Variants in STAU2 observed in about 807,000 individuals in gnomAD.
STAU2 encodes staufen double-stranded RNA binding protein 2, also known as double-stranded RNA-binding protein Staufen homolog 2.
Under a neutral mutation model 65.9 loss-of-function variants are expected in STAU2, and 20 were observed. The observed-to-expected ratio is 0.30, with a 90% CI of 0.21 to 0.44. The LOEUF (loss-of-function observed/expected upper bound fraction) is 0.44, where lower values mean the gene tolerates loss of function less well. STAU2 is among the 20% of genes least tolerant of loss of function. The pLI, the probability that STAU2 is intolerant of heterozygous loss-of-function variation, is 1.00. For synonymous variants in STAU2, 232 were observed against 233.9 expected (o/e 0.99, Z 0.07); for missense variants, 558 against 683.9 (o/e 0.82, Z 2.05).
intron 13 of STAU2, among the ~76,000 whole-genome samples, chr8:73,498,183 T>C (rs1821536299): frequency 6.6e-6 from 1 of 151,872 alleles, no homozygotes. Context: ...GTAAACATTA[T>C]TGCTATGCTG....
chr8:73,472,261 C>G (rs182717883), intron 13 of STAU2, among the ~76,000 whole-genome samples: 3 of 152,092 alleles, frequency 2.0e-5, no homozygotes, highest in African/African-American at 7.2e-5. Context: ...CAAAATAGTG[C>G]CGCTAATGGA....
chr8:73,746,093 G>C (rs1807252579), intron 1 of STAU2, among the ~76,000 whole-genome samples: 1 of 152,098 alleles, frequency 6.6e-6, no homozygotes, highest in South Asian at 2.1e-4. Context: ...ATCACGGTAG[G>C]AGTTCGTAAC....
chr8:73,437,160 C>T (rs992759427), intron 13 of STAU2, among the ~76,000 whole-genome samples: 1 of 152,084 alleles, frequency 6.6e-6, no homozygotes, highest in African/African-American at 2.4e-5. Context: ...AGGATAAGGG[C>T]CCCCAAAGAT....
intron 13 of STAU2, among the ~76,000 whole-genome samples, chr8:73,533,365 G>A (rs759867725): frequency 5.3e-5 from 8 of 152,052 alleles, no homozygotes; most frequent in Non-Finnish European, 1.2e-4. Flanking sequence ...TTTGAAATTT[G>A]CAAATCTATA....
intron 6 of STAU2, among the ~76,000 whole-genome samples, chr8:73,668,389 A>C (rs1376206750): frequency 1.3e-5 from 2 of 150,952 alleles, no homozygotes; most frequent in Admixed American, 6.6e-5. Context: ...ACCTAGTTTG[A>C]GTTTTGGCCC....
At chr8:73,575,547 T>C (rs1005062572) in intron 12 of STAU2, among the ~76,000 whole-genome samples, 3 of 152,138 alleles carry the variant, frequency 2.0e-5, no homozygotes, top group African/African-American at 4.8e-5. Context: ...GGTTTTTACA[T>C]GGCAGATAAT....
chr8:73,545,751 C>T (rs962916350), intron 13 of STAU2, among the ~76,000 whole-genome samples: 3 of 151,964 alleles, frequency 2.0e-5, no homozygotes, highest in African/African-American at 7.3e-5. Flanking sequence ...GGGTTCACAC[C>T]ATTCTGTTGC....
At chr8:73,442,247 G>C (rs1333706519) in intron 13 of STAU2, among the ~76,000 whole-genome samples, 1 of 151,690 alleles carries the variant, frequency 6.6e-6, no homozygotes, top group Non-Finnish European at 1.5e-5. Context: ...TCAGCTACTC[G>C]GGAGGCTGAG....
At chr8:73,475,388 CA>C (rs1201063259) in intron 13 of STAU2, among the ~76,000 whole-genome samples, 1 of 152,164 alleles carries the variant, frequency 6.6e-6, no homozygotes, top group African/African-American at 2.4e-5. Context: ...GATCAGGATG[CA>C]GCTGAGGCAC....
At chr8:73,543,431 T>C (rs1361241340) in intron 13 of STAU2, among the ~76,000 whole-genome samples, 1 of 152,224 alleles carries the variant, frequency 6.6e-6, no homozygotes, top group Admixed American at 6.5e-5. Context: ...ATAAGGTTGA[T>C]TAAAACACTT....
At chr8:73,590,409 C>G (rs1413206063) in intron 11 of STAU2, among the ~76,000 whole-genome samples, 1 of 152,058 alleles carries the variant, frequency 6.6e-6, no homozygotes, top group Non-Finnish European at 1.5e-5. Context: ...TTATGCCTAT[C>G]AGGAGACAAG....
intron 4 of STAU2, among the ~76,000 whole-genome samples, chr8:73,699,362 T>C (rs1190559479): frequency 1.3e-5 from 2 of 151,718 alleles, no homozygotes; most frequent in African/African-American, 4.8e-5. Context: ...GAAAAAATTA[T>C]ACGAGATCAC....
At chr8:73,704,615 C>T (rs1820366361) in intron 4 of STAU2, among the ~76,000 whole-genome samples, 1 of 152,102 alleles carries the variant, frequency 6.6e-6, no homozygotes, top group Non-Finnish European at 1.5e-5. Context: ...TTTATCTTGG[C>T]AAAATATTCA....
At chr8:73,464,122 T>G (rs1287335288) in intron 13 of STAU2, among the ~76,000 whole-genome samples, 1 of 152,198 alleles carries the variant, frequency 6.6e-6, no homozygotes, top group East Asian at 1.9e-4. Flanking sequence ...TTCCGGGATA[T>G]TGCCTGAAGT....
intron 5 of STAU2, among the ~76,000 whole-genome samples, chr8:73,688,177 ATT>A (rs746873037): frequency 3.1e-5 from 4 of 130,128 alleles, no homozygotes; most frequent in Admixed American, 7.7e-5. Flanking sequence ...TCTCACCTTC[ATT>A]TTTTTTTTTT....
At chr8:73,498,272 A>G (rs2128918762) in intron 13 of STAU2, among the ~76,000 whole-genome samples, 1 of 151,978 alleles carries the variant, frequency 6.6e-6, no homozygotes, top group Non-Finnish European at 1.5e-5. Context: ...GCAAAGGCAA[A>G]GAAACTCTAA....
intron 4 of STAU2, among the ~76,000 whole-genome samples, chr8:73,704,732 G>A (rs1464861543): frequency 6.6e-6 from 1 of 152,024 alleles, no homozygotes; most frequent in Non-Finnish European, 1.5e-5. Flanking sequence ...GCAGTGGCGC[G>A]ATCTCAGCTC....
At chr8:73,692,931 G>C (rs1335712344) in intron 4 of STAU2, among the ~76,000 whole-genome samples, 1 of 152,070 alleles carries the variant, frequency 6.6e-6, no homozygotes, top group African/African-American at 2.4e-5. Context: ...AGGCCAAGGT[G>C]GGAGGATCAC....
At chr8:73,529,660 C>G (rs1805679254) in intron 13 of STAU2, among the ~76,000 whole-genome samples, 1 of 152,208 alleles carries the variant, frequency 6.6e-6, no homozygotes, top group Non-Finnish European at 1.5e-5. Context: ...TTTCTCCCAA[C>G]TGTATACAAT....
Sources: allele counts gnomAD v4.1 joint callset (sites outside exome capture counted in the v4.1 genomes callset), GRCh38; gene constraint gnomAD v4.1.1; transcripts MANE v1.5; gene names NCBI Gene and HGNC (gene_info 2026-07-23, HGNC 2026-07-21).